IFIT1: variants seen among roughly 807,000 people sequenced by gnomAD.
IFIT1 encodes antiviral innate immune response effector IFIT1.
In IFIT1, 1 loss-of-function variant was observed where a neutral mutation model predicts 2.5. The observed-to-expected ratio is 0.40, with a 90% CI of 0.14 to 1.92. IFIT1 has a LOEUF of 1.92. Among genes scored for constraint, IFIT1 ranks in the 40% most tolerant of loss-of-function variants. The pLI, the probability that IFIT1 is intolerant of heterozygous loss-of-function variation, is 0.31. For missense variants in IFIT1, 508 were observed against 557.8 expected (o/e 0.91, Z 0.90); for synonymous variants, 191 against 201.7 (o/e 0.95, Z 0.45).
At position 89,402,920 on chromosome 10, in the gene IFIT1, C is replaced by T. The variant is rs303210; in HGVS notation, c.645C>T (p.Asp215=). The change falls in exon 2 of 2, where the codon GAC becomes GAT. Residue 215 remains aspartate (D), a synonymous_variant. Coordinates refer to ENST00000371804, the MANE Select transcript of IFIT1 (RefSeq NM_001548.5). The part of the protein sequence containing the change: ...PLRQAVRLNP[D]NGYIKVLLAL... Reference sequence around the variant, plus strand: ...GGCAGGCTGTCCGCTTAAATCCAGACAATGGATATATTAAGGTTCTCCTTG... The same window carrying T: ...GGCAGGCTGTCCGCTTAAATCCAGATAATGGATATATTAAGGTTCTCCTTG... 0.2 allele frequency: 328,996 copies of T among 1,613,896 alleles called. 37,572 individuals carry two copies. The highest frequency in any genetic ancestry group is 0.43 in the East Asian group (19,430 of 44,876).
intron 1 of IFIT1, among the ~76,000 whole-genome samples, chr10:89,397,015 G>T (rs561067330): frequency 1.1e-3 from 160 of 152,122 alleles, no homozygotes; most frequent in African/African-American, 3.6e-3. Context: ...TAAGGATTTG[G>T]TTCTTTATAA....
Position 89,403,534 on chromosome 10 carries a change from A to G in IFIT1, c.1259A>G (p.Asn420Ser), listed in dbSNP as rs147620337. ...QASLTRDKSI[N>S]SLKKLVLRKL... Reference sequence around the variant, plus strand: ...TCATTAACAAGGGATAAAAGTATCAATTCTTTGAAGAAATTGGTTTTAAGG... The same window carrying G: ...TCATTAACAAGGGATAAAAGTATCAGTTCTTTGAAGAAATTGGTTTTAAGG... The change falls in exon 2 of 2, where the codon AAT becomes AGT. Residue 420 changes from asparagine to serine, a missense_variant. Physicochemically the swap from Asn to Ser is conservative, Grantham distance 46 (BLOSUM62 1). Coordinates refer to ENST00000371804, the MANE Select transcript of IFIT1 (RefSeq NM_001548.5). 4.0e-5 allele frequency: 65 copies of G among 1,614,038 alleles called. No homozygotes were observed. In the East Asian group the frequency reaches 1.4e-3, roughly 35 times the overall value.
chr10:89,403,632 A>T lies in IFIT1; in HGVS notation c.1357A>T (p.Met453Leu), dbSNP rs993128904. Reference sequence around the variant, plus strand: ...GTTCGTCTACAAATTGGAAGGAAATATGAATGAAGCCCTGGAGTACTATGA... The same window carrying T: ...GTTCGTCTACAAATTGGAAGGAAATTTGAATGAAGCCCTGGAGTACTATGA... Reference protein sequence around the residue: ...LGFVYKLEGNMNEALEYYERA... With the variant: ...LGFVYKLEGNLNEALEYYERA... The change falls in exon 2 of 2, where the codon ATG becomes TTG. Residue 453 changes from methionine to leucine, a missense_variant. Transcript: ENST00000371804. The T allele has an allele frequency of 1.9e-6, 3 of 1,614,108 alleles. No individual in the cohort carries two copies. Among genetic ancestry groups the T allele is most frequent in the Non-Finnish European group, 2.5e-6 (3 of 1,179,984 alleles).
At position 89,402,328 on chromosome 10, in the gene IFIT1, G is replaced by A; in HGVS notation, c.53G>A (p.Arg18Lys). The stretch of plus-strand genomic sequence containing the variant: ...GTCAAGGATAGTCTGGAGCAATTGA[G>A]ATGTCACTTTACATGGGAGTTATCC... ...HQVKDSLEQL[R>K]CHFTWELSID... Residue 18 changes from arginine to lysine, a missense_variant, in exon 2 of 2, where the codon AGA (arginine) becomes AAA (lysine). By Grantham distance (26) the Arg-to-Lys change is conservative. Coordinates refer to ENST00000371804, the MANE Select transcript of IFIT1 (RefSeq NM_001548.5). The A allele has an allele frequency of 6.2e-7, 1 of 1,614,030 alleles. No individual in the cohort carries two copies. The highest frequency in any genetic ancestry group is 8.5e-7 in the Non-Finnish European group (1 of 1,179,928).
intron 1 of IFIT1, chr10:89,392,967 G>C: frequency 1.5e-6 from 1 of 668,740 alleles, no homozygotes. Flanking sequence ...CCCAAAGAAG[G>C]GGAGGGAAAT....
rs112696214 is a variant in IFIT1 at position 89,403,028 on chromosome 10, C to T, written c.753C>T (p.Thr251=). The T allele has an allele frequency of 1.2e-5, 20 of 1,614,094 alleles. No individual in the cohort carries two copies. Among genetic ancestry groups the T allele is most frequent in the Non-Finnish European group, 1.4e-5 (17 of 1,180,034 alleles). ...CTCTAGCCAACATGTCCTCACAGAC[C>T]TATGTCTTTCGATATGCAGCCAAGT... is the stretch of plus-strand genomic sequence containing the variant. ...EEALANMSSQ[T]YVFRYAAKFY... The change falls in exon 2 of 2, where the codon ACC becomes ACT. Residue 251 remains threonine (T), a synonymous_variant. Transcript: ENST00000371804.
In IFIT1 at chr10:89,406,338, T is replaced by C. The variant is rs888614823; in HGVS notation, c.*2626T>C. 1 of 152,036 alleles carries C rather than the reference T, an allele frequency of 6.6e-6. No homozygotes were observed. Among genetic ancestry groups the C allele is most frequent in the Non-Finnish European group, 1.5e-5 (1 of 68,020 alleles). 9.4% of individuals were successfully genotyped at this position (152,036 alleles called of 1,614,324 possible). ...GTAAAATGGACCAATCAGCTCTCTG[T>C]AAAATGGACCAATCAGCAGGATGTG... On this transcript the variant is annotated 3_prime_UTR_variant, in exon 2 of 2. Coordinates refer to ENST00000371804, the MANE Select transcript of IFIT1 (RefSeq NM_001548.5).
chr10:89,400,988 T>G (rs771547792), intron 1 of IFIT1, among the ~76,000 whole-genome samples: 26 of 152,206 alleles, frequency 1.7e-4, no homozygotes, highest in African/African-American at 6.0e-4. Flanking sequence ...TTGAATTTTG[T>G]CAAATGCTTT....
At position 89,404,870 on chromosome 10, in the gene IFIT1, G is replaced by A. The variant is rs959909437; in HGVS notation, c.*1158G>A. The stretch of plus-strand genomic sequence containing the variant: ...CCAGCTACTCAGGAGGCTGAGGTGA[G>A]TGGACTGCTGGAGCCAGGGAGTTCG... On this transcript the variant is annotated 3_prime_UTR_variant, in exon 2 of 2. Transcript: ENST00000371804. 3.9e-5 allele frequency: 6 copies of A among 152,092 alleles called. No homozygotes were observed. Among genetic ancestry groups the A allele is most frequent in the African/African-American group, 1.5e-4 (6 of 41,360 alleles). 9.4% of individuals were successfully genotyped at this position (152,092 alleles called of 1,614,324 possible). A position where few individuals can be genotyped will look rare whatever the true frequency, so the allele number is the denominator to read the frequency against.
rs1844491476 is a variant in IFIT1 at position 89,404,142 on chromosome 10, T to C, written c.*430T>C. 1 of 153,572 alleles carries C rather than the reference T, an allele frequency of 6.5e-6. No homozygotes were observed. The highest frequency in any genetic ancestry group is 2.0e-4 in the South Asian group (1 of 4,880). 9.5% of individuals were successfully genotyped at this position (153,572 alleles called of 1,614,324 possible). A position where few individuals can be genotyped will look rare whatever the true frequency, so the allele number is the denominator to read the frequency against. On this transcript the variant is annotated 3_prime_UTR_variant, in exon 2 of 2. Transcript: ENST00000371804. Reference sequence around the variant, plus strand: ...GAGAGATCATTCACACCTCATTATATTCCCTCCCTTGCTAACTGCCATTGG... The same window carrying C: ...GAGAGATCATTCACACCTCATTATACTCCCTCCCTTGCTAACTGCCATTGG...
chr10:89,404,846 C>T lies in IFIT1; in HGVS notation c.*1134C>T, dbSNP rs993733860. The T allele has an allele frequency of 2.0e-5, 3 of 152,106 alleles. No homozygotes were observed. The highest frequency in any genetic ancestry group is 2.1e-4 in the South Asian group (1 of 4,824). The allele number at this position is 152,106 out of a possible 1,614,324, so 9.4% of individuals were successfully genotyped here. A position where few individuals can be genotyped will look rare whatever the true frequency, so the allele number is the denominator to read the frequency against. ...TGGCATGCACCTGTAGCTTCAGTTC[C>T]AGCTACTCAGGAGGCTGAGGTGAGT... On this transcript the variant is annotated 3_prime_UTR_variant, in exon 2 of 2. Coordinates refer to ENST00000371804, the MANE Select transcript of IFIT1 (RefSeq NM_001548.5).
Position 89,392,630 on chromosome 10 carries a change from A to T in IFIT1, c.-83A>T. On this transcript the variant is annotated 5_prime_UTR_variant, in exon 1 of 2. Coordinates refer to ENST00000371804, the MANE Select transcript of IFIT1 (RefSeq NM_001548.5). Reference sequence around the variant, plus strand: ...GTCTTGGGGTTTAAACGTAACTGAAAATCCACAAGACAGAATAGCCAGATC... The same window carrying T: ...GTCTTGGGGTTTAAACGTAACTGAATATCCACAAGACAGAATAGCCAGATC... The T allele has an allele frequency of 6.7e-7, 1 of 1,500,682 alleles. No individual in the cohort carries two copies. The highest frequency in any genetic ancestry group is 1.1e-5 in the South Asian group (1 of 88,638). 93.0% of individuals were successfully genotyped at this position (1,500,682 alleles called of 1,614,324 possible).
Position 89,403,960 on chromosome 10 carries a change from A to G in IFIT1, c.*248A>G. 1 of 362,102 alleles carries G rather than the reference A, an allele frequency of 2.8e-6. No individual in the cohort carries two copies. Among genetic ancestry groups the G allele is most frequent in the South Asian group, 8.8e-5 (1 of 11,368 alleles). 22.4% of individuals were successfully genotyped at this position (362,102 alleles called of 1,614,324 possible). On this transcript the variant is annotated 3_prime_UTR_variant, in exon 2 of 2. Transcript: ENST00000371804. ...GAGAAAAAATGTTAGTTAACTTTGT[A>G]GGAAATAAAACATTGGACTTACACT...
chr10:89,400,552 T>C (rs75115108), intron 1 of IFIT1, among the ~76,000 whole-genome samples: 2,800 of 152,306 alleles, frequency 0.018, 102 homozygotes, highest in African/African-American at 0.063. Context: ...AATGGGATTG[T>C]TTTCTTAATT....
intron 1 of IFIT1, among the ~76,000 whole-genome samples, chr10:89,397,481 A>G (rs538045713): frequency 1.3e-5 from 2 of 152,130 alleles, no homozygotes; most frequent in East Asian, 1.9e-4. Flanking sequence ...TCTGAGTGGA[A>G]TAAAGTTATA....
intron 1 of IFIT1, among the ~76,000 whole-genome samples, chr10:89,395,010 T>A (rs1312113765): frequency 6.6e-6 from 1 of 152,234 alleles, no homozygotes; most frequent in East Asian, 1.9e-4. Context: ...AGTTGGACTT[T>A]CTCATTCCAG....
At position 89,392,673 on chromosome 10, in the gene IFIT1, A is replaced by C; in HGVS notation, c.-40A>C. ...GCCAGATCTCAGAGGAGCCTGGCTA[A>C]GCAAAACCCTGCAGAACGGCTGCCT... On this transcript the variant is annotated 5_prime_UTR_variant, in exon 1 of 2. Transcript: ENST00000371804. 1.9e-6 allele frequency: 3 copies of C among 1,613,650 alleles called. 1 individual carries two copies. Among genetic ancestry groups the C allele is most frequent in the Non-Finnish European group, 2.5e-6 (3 of 1,179,530 alleles).
rs371786671 is a variant in IFIT1, at chr10:89,403,014, A to T, written c.739A>T (p.Met247Leu). The change falls in exon 2 of 2, where the codon ATG becomes TTG. Residue 247 changes from methionine (M) to leucine (L), a missense_variant. Transcript: ENST00000371804. ...EKYIEEALAN[M>L]SSQTYVFRYA... ...GTACATTGAAGAAGCTCTAGCCAAC[A>T]TGTCCTCACAGACCTATGTCTTTCG... The T allele has an allele frequency of 2.5e-6, 4 of 1,614,118 alleles. No homozygotes were observed. The African/African-American group carries it at 5.3e-5, about 22-fold the overall frequency.
At chr10:89,393,449 T>A in intron 1 of IFIT1, 1 of 529,692 alleles carries the variant, frequency 1.9e-6, no homozygotes, top group Non-Finnish European at 2.9e-6. Context: ...AACCATTACT[T>A]AGGCCGGGCA....
Sources: gnomAD v4.1 joint callset for allele counts (sites outside exome capture counted in the v4.1 genomes callset) on GRCh38, gnomAD v4.1.1 for gene constraint, MANE v1.5 for transcripts, NCBI Gene and HGNC (gene_info 2026-07-23, HGNC 2026-07-21) for gene names.